CREM: variants seen among roughly 807,000 people sequenced by gnomAD.
CREM encodes the protein cAMP responsive element modulator.
CREM carries 13 observed loss-of-function variants against 37.3 expected under a neutral mutation model. That is an observed-to-expected ratio of 0.35 (90% CI 0.23 to 0.55). The LOEUF (loss-of-function observed/expected upper bound fraction) is 0.55. CREM is among the 20% of genes least tolerant of loss of function. The probability of loss-of-function intolerance (pLI) is 0.88; values close to 1 mark genes in which losing one functional copy is unlikely to be tolerated. For synonymous variants in CREM, 124 were observed against 120.2 expected (o/e 1.03, Z -0.21); for missense variants, 296 against 362.3 (o/e 0.82, Z 1.49).
chr10:35,184,353 A>G (rs151073553), intron 5 of CREM, among the ~76,000 whole-genome samples: 17 of 152,308 alleles, frequency 1.1e-4, no homozygotes, highest in Admixed American at 2.0e-4. Context: ...ATGTTATGCT[A>G]TCCTTGACTA....
chr10:35,182,927 G>A (rs2094412689), intron 5 of CREM, among the ~76,000 whole-genome samples: 3 of 152,188 alleles, frequency 2.0e-5, no homozygotes, highest in Admixed American at 6.5e-5. Context: ...AATTAACAAA[G>A]AATGTTACTT....
intron 1 of CREM, among the ~76,000 whole-genome samples, chr10:35,131,305 CAG>C (rs1398136307): frequency 6.6e-6 from 1 of 152,040 alleles, no homozygotes; most frequent in Non-Finnish European, 1.5e-5. Context: ...AAAATAAACT[CAG>C]TGTCTTTAAA....
intron 7 of CREM, 64 bp from the exon 8 acceptor site, chr10:35,211,185 GTGCAC>G: frequency 6.5e-7 from 1 of 1,548,834 alleles, no homozygotes; most frequent in Non-Finnish European, 8.8e-7. Flanking sequence ...GGGGGCAGAA[GTGCAC>G]TGACCCACTG....
At chr10:35,200,297 A>G (rs919522503) in intron 6 of CREM, among the ~76,000 whole-genome samples, 2 of 152,190 alleles carry the variant, frequency 1.3e-5, no homozygotes, top group Non-Finnish European at 2.9e-5. Context: ...CATCTTTTAT[A>G]TAGACTGACT....
chr10:35,142,369 G>A, intron 2 of CREM, among the ~76,000 whole-genome samples: 1 of 152,144 alleles, frequency 6.6e-6, no homozygotes, highest in East Asian at 1.9e-4. Context: ...AGGAGGCAAG[G>A]GAACATGGTG....
intron 3 of CREM, chr10:35,158,685 T>C (rs561996444): frequency 6.5e-6 from 1 of 153,460 alleles, no homozygotes; most frequent in Non-Finnish European, 1.5e-5. Context: ...TTTTAGATGC[T>C]CTCATGGAAT....
intron 3 of CREM, among the ~76,000 whole-genome samples, chr10:35,161,087 CA>C (rs1489298724): frequency 6.6e-6 from 1 of 152,046 alleles, no homozygotes; most frequent in Non-Finnish European, 1.5e-5. Context: ...CAGTAACAGT[CA>C]TTTTTTTATT....
chr10:35,157,635 C>CA (rs71523362), intron 3 of CREM, among the ~76,000 whole-genome samples: 3,026 of 86,826 alleles, frequency 0.035, 122 homozygotes, highest in African/African-American at 0.11. Context: ...GACCCTGTCT[C>CA]AAAAAAAAAA....
chr10:35,198,875 C>T (rs1030525834), intron 6 of CREM, among the ~76,000 whole-genome samples: 6 of 152,166 alleles, frequency 3.9e-5, no homozygotes, highest in East Asian at 1.9e-4. Flanking sequence ...CGAGGCTGGG[C>T]GTGGTGGCTT....
intron 7 of CREM, among the ~76,000 whole-genome samples, chr10:35,208,485 A>T (rs2095588749): frequency 6.6e-6 from 1 of 152,224 alleles, no homozygotes; most frequent in African/African-American, 2.4e-5. Flanking sequence ...AAAGGAACAG[A>T]ATTGTCTTAG....
intron 2 of CREM, among the ~76,000 whole-genome samples, chr10:35,138,915 T>C (rs2135669777): frequency 1.3e-5 from 2 of 151,982 alleles, no homozygotes; most frequent in South Asian, 4.2e-4. Flanking sequence ...ATTGTTTTAA[T>C]GGAGGGTCCT....
intron 3 of CREM, among the ~76,000 whole-genome samples, chr10:35,170,877 G>A (rs1290535125): frequency 1.3e-5 from 2 of 152,292 alleles, no homozygotes; most frequent in Non-Finnish European, 1.5e-5. Context: ...GGCCTAACCA[G>A]TGAGAATGTA....
chr10:35,189,340 C>T (rs974383967), intron 6 of CREM, among the ~76,000 whole-genome samples: 4 of 152,040 alleles, frequency 2.6e-5, no homozygotes, highest in Non-Finnish European at 5.9e-5. Context: ...TTGCGTTATA[C>T]ATTATTTTAA....
intron 5 of CREM, among the ~76,000 whole-genome samples, chr10:35,180,921 T>G (rs1273860122): frequency 6.6e-6 from 1 of 152,212 alleles, no homozygotes; most frequent in Non-Finnish European, 1.5e-5. Flanking sequence ...GTCATCATGT[T>G]CTGTTTGTGT....
chr10:35,154,342 C>G (rs771686524), intron 3 of CREM: 86 of 347,508 alleles, frequency 2.5e-4, no homozygotes, highest in Admixed American at 2.8e-4. Context: ...AACATTTTCT[C>G]TTGTTAATAG....
chr10:35,173,089 C>G (rs952596367), intron 3 of CREM, among the ~76,000 whole-genome samples: 1 of 152,168 alleles, frequency 6.6e-6, no homozygotes, highest in Admixed American at 6.5e-5. Flanking sequence ...GGAAGATCTC[C>G]TGAACTCAGT....
Position 35,197,452 on chromosome 10 carries a change from ATTTATTTATTTATTTT to A in CREM, c.598+9065_598+9080del, listed in dbSNP as rs1283322675. Among the ~76,000 whole-genome samples the A allele has an allele frequency of 4.9e-3, 719 of 146,294 alleles. 8 individuals are homozygous for A. Among genetic ancestry groups the A allele is most frequent in the African/African-American group, 0.017 (686 of 39,240 alleles). The stretch of plus-strand genomic sequence containing the variant: ...TATTTATTTATTTATTTATTTATTT[ATTTATTTATTTATTTT>A]ATGAGACGGAGTCTCGCTCTGTCGC... On this transcript the variant is annotated intron_variant, in intron 6 of 7. Coordinates refer to ENST00000685392, the MANE Select transcript of CREM (RefSeq NM_183011.2).
chr10:35,158,798 G>GTTTT (rs543961468), intron 3 of CREM, among the ~76,000 whole-genome samples: 2 of 100,832 alleles, frequency 2.0e-5, no homozygotes, highest in African/African-American at 7.1e-5. Context: ...CAAATATAGT[G>GTTTT]TTTTTTTTTT....
Position 35,204,238 on chromosome 10 carries a change from A to G in CREM, c.599-2657A>G, listed in dbSNP as rs529180357. 7.2e-5 allele frequency among the ~76,000 whole-genome samples: 11 copies of G among 152,360 alleles called. No individual in the cohort carries two copies. In the South Asian group the frequency reaches 1.9e-3, roughly 26 times the overall value. On this transcript the variant is annotated intron_variant, in intron 6 of 7. Coordinates refer to ENST00000685392, the MANE Select transcript of CREM (RefSeq NM_183011.2). The stretch of plus-strand genomic sequence containing the variant: ...ACGACTCATTGAGTTGTCTGTGTAT[A>G]CATTATTTTGTATAGTCACAAAAAC...
Sources: gnomAD v4.1 joint callset for allele counts (sites outside exome capture counted in the v4.1 genomes callset) on GRCh38, gnomAD v4.1.1 for gene constraint, MANE v1.5 for transcripts, NCBI Gene and HGNC (gene_info 2026-07-23, HGNC 2026-07-21) for gene names.